Variants in DNHD1 observed in about 807,000 individuals in gnomAD.
The protein encoded by DNHD1 is dynein heavy chain domain-containing protein 1.
Under a neutral mutation model 458.1 loss-of-function variants are expected in DNHD1, and 383 were observed. The ratio of observed to expected loss-of-function variants is 0.84; its 90% CI spans 0.77 to 0.91. DNHD1 has a LOEUF of 0.91. Among genes scored for constraint, DNHD1 ranks in the 40% least tolerant of loss-of-function variants. The probability of loss-of-function intolerance (pLI) is 0.00; values close to 1 mark genes in which losing one functional copy is unlikely to be tolerated. For missense variants in DNHD1, 5,336 were observed against 5,866.1 expected, an observed-to-expected ratio of 0.91 and a Z score of 2.95; for synonymous variants, 2,203 against 2,376.9, an observed-to-expected ratio of 0.93 and a Z score of 2.13.
chr11:6,549,036 A>G (rs1853280855), intron 24 of DNHD1, 103 bp downstream of exon 24: 2 of 1,280,792 alleles, frequency 1.6e-6, no homozygotes, highest in Non-Finnish European at 2.1e-6. Context: ...CTGTAGATCT[A>G]ACTTTAGTGT....
chr11:6,499,654 G>A (rs564635087), intron 3 of DNHD1, among the ~76,000 whole-genome samples: 26 of 151,970 alleles, frequency 1.7e-4, no homozygotes, highest in African/African-American at 6.0e-4. Context: ...CGCAACCTCC[G>A]CCTCCCGGGT....
rs1210226176 is a variant in DNHD1, at chr11:6,533,197, C to T, written c.2505+13C>T. ...GTGCACCCAGAAGGTGGGCTCTCCC[C>T]ATCCATCCTTCCCAGTTTATTCAGG... is the stretch of plus-strand genomic sequence containing the variant. On this transcript the variant is annotated intron_variant, in intron 13 of 42. Coordinates refer to ENST00000254579, the MANE Select transcript of DNHD1 (RefSeq NM_144666.3). 22 of 1,550,442 alleles carry T rather than the reference C, an allele frequency of 1.4e-5. No individual in the cohort carries two copies. The highest frequency in any genetic ancestry group is 1.8e-5 in the Non-Finnish European group (21 of 1,146,450).
In DNHD1 at chr11:6,498,637, T is replaced by TA. The variant is rs751171653; in HGVS notation, c.423dup (p.Asp142ArgfsTer7). The TA allele has an allele frequency of 6.2e-7, 1 of 1,614,092 alleles. No homozygotes were observed. The highest frequency in any genetic ancestry group is 1.3e-5 in the African/African-American group (1 of 74,938). ...GCCTTTCCTCCAGACAGCTCTTTGT[T>TA]AGACAGTGCTTCCCATGCTGACTGC... On this transcript the variant is annotated frameshift_variant, in exon 3 of 43. Coordinates refer to ENST00000254579, the MANE Select transcript of DNHD1 (RefSeq NM_144666.3). LOFTEE classifies it high-confidence loss of function.
rs1214558857 is a variant in DNHD1, at chr11:6,558,146, C to T, written c.8851C>T (p.Leu2951Phe). 1 of 1,551,722 alleles carries T rather than the reference C, an allele frequency of 6.4e-7. No individual in the cohort carries two copies. The highest frequency in any genetic ancestry group is 8.7e-7 in the Non-Finnish European group (1 of 1,146,998). ...TCTGTTGGTACCCAGTGGTGTGGAT[C>T]TCACTACACTTCATCGCCTCCTGGC... ...VALLVPSGVD[L>F]TTLHRLLALA... The change falls in exon 25 of 43, where the codon CTC becomes TTC. Residue 2951 changes from leucine (L) to phenylalanine (F), a missense_variant. By Grantham distance (22) the Leu-to-Phe change is conservative (BLOSUM62 0). Transcript: ENST00000254579.
intron 12 of DNHD1, among the ~76,000 whole-genome samples, chr11:6,530,682 A>G (rs1852809369): frequency 6.6e-6 from 1 of 152,120 alleles, no homozygotes; most frequent in Non-Finnish European, 1.5e-5. Flanking sequence ...TTGGCTCTCA[A>G]CAGATGAAAG....
At chr11:6,544,034 C>A in intron 18 of DNHD1, 87 bp from the exon 19 acceptor site, 1 of 1,350,730 alleles carries the variant, frequency 7.4e-7, no homozygotes, top group East Asian at 2.7e-5. Context: ...AACTGCCTCT[C>A]CTGGAAGGTT....
chr11:6,543,054 C>T (rs1853131851), intron 18 of DNHD1, among the ~76,000 whole-genome samples: 1 of 152,200 alleles, frequency 6.6e-6, no homozygotes, highest in South Asian at 2.1e-4. Flanking sequence ...AGATGGGCCT[C>T]TTTGCCTCCT....
Position 6,563,998 on chromosome 11 carries a change from G to T in DNHD1, c.10158G>T (p.Glu3386Asp). ...ATTTGGCCCTGGCTAAGATGGTGGA[G>T]GATGCCCAAGCTTCCCACAACTGCG... ...EHNLALAKMV[E>D]DAQASHNCVA... is the part of the protein sequence containing the mutation. The change falls in exon 31 of 43, where the codon GAG becomes GAT. Residue 3386 changes from glutamate to aspartate, a missense_variant. Physicochemically the swap from Glu to Asp is conservative, Grantham distance 45. Coordinates refer to ENST00000254579, the MANE Select transcript of DNHD1 (RefSeq NM_144666.3). The T allele has an allele frequency of 6.4e-7, 1 of 1,551,750 alleles. No homozygotes were observed. The highest frequency in any genetic ancestry group is 8.7e-7 in the Non-Finnish European group (1 of 1,147,000).
intron 3 of DNHD1, among the ~76,000 whole-genome samples, chr11:6,500,013 A>T (rs1464466840): frequency 1.4e-5 from 2 of 147,606 alleles, no homozygotes; most frequent in Admixed American, 1.4e-4. Flanking sequence ...CGCCCAGGCT[A>T]GAGTGCAGTG....
chr11:6,549,884 G>T (rs1001115525), intron 24 of DNHD1, among the ~76,000 whole-genome samples: 2 of 152,184 alleles, frequency 1.3e-5, no homozygotes, highest in Non-Finnish European at 2.9e-5. Flanking sequence ...GGATATTGAA[G>T]TGTAAAGTTT....
In DNHD1 at chr11:6,566,977, A is replaced by G. The variant is rs1253384454; in HGVS notation, c.11468A>G (p.Gln3823Arg). The change falls in exon 36 of 43, where the codon CAA becomes CGA. Residue 3823 changes from glutamine (Q) to arginine (R), a missense_variant. Gln to Arg is a conservative substitution (Grantham distance 43, BLOSUM62 1). Coordinates refer to ENST00000254579, the MANE Select transcript of DNHD1 (RefSeq NM_144666.3). ...TTTCTGCGGAACATAGTGAGGGCCCAAGGAAAGCTATGCCAGCTGCGTGCT... is the reference window on the plus strand; with the variant it reads ...TTTCTGCGGAACATAGTGAGGGCCCGAGGAAAGCTATGCCAGCTGCGTGCT... ...AKFLRNIVRAQGKLCQLRAHC... is the reference protein window; with the variant it reads ...AKFLRNIVRARGKLCQLRAHC... 4.3e-6 allele frequency: 7 copies of G among 1,614,004 alleles called. No individual in the cohort carries two copies. The highest frequency in any genetic ancestry group is 5.9e-6 in the Non-Finnish European group (7 of 1,179,884).
At chr11:6,514,151 T>A (rs539990319) in intron 7 of DNHD1, among the ~76,000 whole-genome samples, 1 of 152,292 alleles carries the variant, frequency 6.6e-6, no homozygotes, top group African/African-American at 2.4e-5. Flanking sequence ...TCTCCCAGGC[T>A]GGAGTGCAGT....
intron 10 of DNHD1, among the ~76,000 whole-genome samples, 189 bp from the exon 11 acceptor site, chr11:6,528,333 C>G (rs1852752857): frequency 6.6e-6 from 1 of 152,032 alleles, no homozygotes; most frequent in Admixed American, 6.6e-5. Context: ...CTAATAAATC[C>G]CCTCCATGGG....
Position 6,545,801 on chromosome 11 carries a change from A to C in DNHD1, c.4862A>C (p.Gln1621Pro). Reference sequence around the variant, plus strand: ...CACATAATCCCCAAAAGCCCCCTACAGAGTCTTAAGACTATTGCATCTTCT... The same window carrying C: ...CACATAATCCCCAAAAGCCCCCTACCGAGTCTTAAGACTATTGCATCTTCT... ...SPHIIPKSPL[Q>P]SLKTIASSEP... Residue 1621 changes from glutamine (Q) to proline (P), a missense_variant, in exon 21 of 43, where the codon CAG becomes CCG. Coordinates refer to ENST00000254579, the MANE Select transcript of DNHD1 (RefSeq NM_144666.3). This position sits in a 1 kb window ranked among gnomAD's most constrained non-coding sequence, Gnocchi z 4.9. The C allele has an allele frequency of 6.4e-7, 1 of 1,551,892 alleles. No individual in the cohort carries two copies. Among genetic ancestry groups the C allele is most frequent in the Non-Finnish European group, 8.7e-7 (1 of 1,147,024 alleles).
chr11:6,539,149 G>A, intron 16 of DNHD1, 70 bp from the exon 17 acceptor site: 7 of 1,098,546 alleles, frequency 6.4e-6, no homozygotes, highest in Non-Finnish European at 9.5e-6. Context: ...GCTGGGCTCT[G>A]GGATATGGGA....
At chr11:6,499,391 G>T (rs1852092885) in intron 3 of DNHD1, among the ~76,000 whole-genome samples, 2 of 152,160 alleles carry the variant, frequency 1.3e-5, no homozygotes, top group Admixed American at 1.3e-4. Context: ...CCTGGGGAAT[G>T]TGTGTCCGAG....
intron 14 of DNHD1, among the ~76,000 whole-genome samples, chr11:6,535,947 G>A (rs1852938907): frequency 1.3e-5 from 2 of 152,108 alleles, no homozygotes; most frequent in African/African-American, 2.4e-5. Context: ...AACAATTAGT[G>A]GAGAAATCAG....
intron 12 of DNHD1, among the ~76,000 whole-genome samples, chr11:6,529,715 C>T (rs527388042): frequency 6.6e-6 from 1 of 152,330 alleles, no homozygotes; most frequent in African/African-American, 2.4e-5. Context: ...CTGGGGAAGG[C>T]CGGTGGGCTG....
chr11:6,519,399 A>G (rs997923560), intron 7 of DNHD1, among the ~76,000 whole-genome samples: 3 of 152,012 alleles, frequency 2.0e-5, no homozygotes, highest in African/African-American at 7.2e-5. Context: ...CTCTCAATAT[A>G]TGTTCTCTAT....
Sources: allele counts gnomAD v4.1 joint callset (sites outside exome capture counted in the v4.1 genomes callset), GRCh38; gene constraint gnomAD v4.1.1; non-coding constraint Gnocchi (gnomAD v3.1); transcripts MANE v1.5; gene names NCBI Gene and HGNC (gene_info 2026-07-23, HGNC 2026-07-21).